Variants in CCS observed in about 807,000 individuals in gnomAD.
The protein encoded by CCS is copper chaperone for superoxide dismutase.
CCS carries 32 observed loss-of-function variants against 35.5 expected under a neutral mutation model. The ratio of observed to expected loss-of-function variants is 0.90; its 90% CI spans 0.68 to 1.21. The LOEUF is 1.21. Ranked by LOEUF, CCS falls within the 50% of genes most tolerant of loss-of-function variation. The pLI, the probability that CCS is intolerant of heterozygous loss-of-function variation, is 0.00. For missense variants in CCS, 342 were observed against 375.4 expected (o/e 0.91, Z 0.73); for synonymous variants, 130 against 147.2 (o/e 0.88, Z 0.84).
intron 1 of CCS, 46 bp from the exon 2 acceptor site, chr11:66,593,596 A>G (rs1340115259): frequency 6.3e-7 from 1 of 1,596,540 alleles, no homozygotes; most frequent in East Asian, 2.2e-5. Context: ...AGTCATACCA[A>G]GGCACTTCCC....
chr11:66,599,226 C>T lies in CCS; in HGVS notation c.223C>T (p.Leu75Phe), dbSNP rs1590829614. 1 of 1,611,466 alleles carries T rather than the reference C, an allele frequency of 6.2e-7. No homozygotes were observed. The highest frequency in any genetic ancestry group is 2.2e-5 in the East Asian group (1 of 44,758). The change falls in exon 3 of 8, where the codon CTC (leucine) becomes TTC (phenylalanine). Residue 75 changes from leucine (L) to phenylalanine (F), a missense_variant. Coordinates refer to ENST00000533244, the MANE Select transcript of CCS (RefSeq NM_005125.2). Reference protein sequence around the residue: ...LLEGTGRQAVLKGMGSGQLQN... With the variant: ...LLEGTGRQAVFKGMGSGQLQN... Reference sequence around the variant, plus strand: ...GGAAGGCACGGGGCGGCAGGCGGTACTCAAGGGCATGGGCAGCGGCCAGTT... The same window carrying T: ...GGAAGGCACGGGGCGGCAGGCGGTATTCAAGGGCATGGGCAGCGGCCAGTT...
chr11:66,603,582 C>T (rs1232615749), intron 5 of CCS, among the ~76,000 whole-genome samples: 1 of 152,140 alleles, frequency 6.6e-6, no homozygotes, highest in Non-Finnish European at 1.5e-5. Flanking sequence ...CACAGTGGCT[C>T]ATGCCTGTAA....
chr11:66,602,459 A>G (rs1420216207), intron 5 of CCS, among the ~76,000 whole-genome samples: 1 of 151,860 alleles, frequency 6.6e-6, no homozygotes, highest in Non-Finnish European at 1.5e-5. Context: ...CGAGAGAGAG[A>G]GAGATTGAGA....
At chr11:66,602,434 C>A (rs1311496898) in intron 5 of CCS, among the ~76,000 whole-genome samples, 1 of 152,142 alleles carries the variant, frequency 6.6e-6, no homozygotes, top group Non-Finnish European at 1.5e-5. Flanking sequence ...GTTGGCTTCT[C>A]TCAGAGTGAA....
At chr11:66,602,712 G>T (rs1858590589) in intron 5 of CCS, among the ~76,000 whole-genome samples, 1 of 152,240 alleles carries the variant, frequency 6.6e-6, no homozygotes, top group Admixed American at 6.5e-5. Flanking sequence ...TGTTTCTGAA[G>T]GGCAGGAGCC....
chr11:66,600,650 G>A (rs1010668777), intron 5 of CCS, 101 bp downstream of exon 5: 4 of 552,102 alleles, frequency 7.2e-6, no homozygotes, highest in Non-Finnish European at 1.3e-5. Context: ...ATTCCTTTTT[G>A]GTGGAGTCTT....
intron 2 of CCS, 50 bp downstream of exon 2, chr11:66,593,764 G>C (rs371683431): frequency 6.5e-7 from 1 of 1,548,866 alleles, no homozygotes; most frequent in African/African-American, 1.4e-5. Context: ...CCTCTGGGAG[G>C]GACCAGGCGA....
chr11:66,601,825 C>T (rs557531640), intron 5 of CCS, among the ~76,000 whole-genome samples: 5 of 152,252 alleles, frequency 3.3e-5, no homozygotes, highest in South Asian at 2.1e-4. Flanking sequence ...CCTCCCTCCT[C>T]GGCCTCCCAG....
chr11:66,600,106 A>C (rs1370023984), intron 4 of CCS: 1 of 177,444 alleles, frequency 5.6e-6, no homozygotes, highest in East Asian at 1.6e-4. Flanking sequence ...ACTCCAGCTC[A>C]GGGGTGACAG....
intron 5 of CCS, among the ~76,000 whole-genome samples, chr11:66,603,964 G>T (rs1481797753): frequency 7.2e-5 from 11 of 151,972 alleles, no homozygotes; most frequent in Non-Finnish European, 1.2e-4. Context: ...GGGGTGGGGA[G>T]GTTGCAGTGA....
chr11:66,604,723 G>A (rs1858626838), intron 5 of CCS, among the ~76,000 whole-genome samples: 1 of 152,180 alleles, frequency 6.6e-6, no homozygotes, highest in Admixed American at 6.5e-5. Flanking sequence ...GGTGCTCATA[G>A]GTGTGTTATG....
intron 2 of CCS, among the ~76,000 whole-genome samples, chr11:66,594,277 T>A (rs927431760): frequency 2.2e-4 from 34 of 152,216 alleles, no homozygotes; most frequent in African/African-American, 6.5e-4. Context: ...GAGAATGGCG[T>A]GAACCCGGGA....
At chr11:66,604,039 TAAATA>T (rs1236396695) in intron 5 of CCS, among the ~76,000 whole-genome samples, 5 of 149,258 alleles carry the variant, frequency 3.3e-5, no homozygotes, top group Non-Finnish European at 7.4e-5. Flanking sequence ...AATAAATAAA[TAAATA>T]AATAAATAAA....
intron 5 of CCS, among the ~76,000 whole-genome samples, chr11:66,603,636 G>A (rs1328913449): frequency 3.3e-5 from 5 of 152,180 alleles, no homozygotes; most frequent in African/African-American, 1.2e-4. Flanking sequence ...CACAAGGTCA[G>A]GAGATCGAGA....
At position 66,605,862 on chromosome 11, in the gene CCS, C is replaced by T. The variant is rs763913397; in HGVS notation, c.*7C>T. On this transcript the variant is annotated 3_prime_UTR_variant, in exon 8 of 8. Coordinates refer to ENST00000533244, the MANE Select transcript of CCS (RefSeq NM_005125.2). Reference sequence around the variant, plus strand: ...GCCCCCTGCCCACCTTTGAGCAGGACCTCACCTTGGCTCTGTTGCTGTCCT... The same window carrying T: ...GCCCCCTGCCCACCTTTGAGCAGGATCTCACCTTGGCTCTGTTGCTGTCCT... The T allele has an allele frequency of 4.6e-6, 7 of 1,520,760 alleles. No homozygotes were observed. Among genetic ancestry groups the T allele is most frequent in the Non-Finnish European group, 6.2e-6 (7 of 1,135,244 alleles). 94.2% of individuals were successfully genotyped at this position (1,520,760 alleles called of 1,614,324 possible). A position where few individuals can be genotyped will look rare whatever the true frequency, so the allele number is the denominator to read the frequency against.
At position 66,594,028 on chromosome 11, in the gene CCS, A is replaced by C. The variant is rs952914996; in HGVS notation, c.112+314A>C. On this transcript the variant is annotated intron_variant, in intron 2 of 7. Transcript: ENST00000533244. Reference sequence around the variant, plus strand: ...CTTGGGAAACAACATAATCTTGACAAAGCAAACAGCAGCTCAGGCCCTATA... The same window carrying C: ...CTTGGGAAACAACATAATCTTGACACAGCAAACAGCAGCTCAGGCCCTATA... Among the ~76,000 whole-genome samples, 7 of 152,102 alleles carry C rather than the reference A, an allele frequency of 4.6e-5. No individual in the cohort carries two copies. The South Asian group carries it at 1.2e-3, about 27-fold the overall frequency.
At position 66,599,100 on chromosome 11, in the gene CCS, C is replaced by G. The variant is rs776041108; in HGVS notation, c.113-16C>G. ...GTGCCAGCCTCTGTTGCCCTCTTCC[C>G]TCTCTTTCTTGCCAGGTGTCCAGGA... On this transcript the variant is annotated splice_polypyrimidine_tract_variant and intron_variant, in intron 2 of 7. Coordinates refer to ENST00000533244, the MANE Select transcript of CCS (RefSeq NM_005125.2). 1.2e-6 allele frequency: 2 copies of G among 1,614,148 alleles called. No homozygotes were observed. The highest frequency in any genetic ancestry group is 4.5e-5 in the East Asian group (2 of 44,882).
chr11:66,596,672 G>A (rs1467866816), intron 2 of CCS, among the ~76,000 whole-genome samples: 2 of 152,142 alleles, frequency 1.3e-5, no homozygotes, highest in South Asian at 2.1e-4. Context: ...GAGCCACCGC[G>A]CCCGGCCGAC....
chr11:66,593,572 A>G, intron 1 of CCS, 70 bp from the exon 2 acceptor site: 8 of 1,486,796 alleles, frequency 5.4e-6, no homozygotes, highest in Non-Finnish European at 7.4e-6. Flanking sequence ...GTCATAGGGT[A>G]GGTGGTGAAA....
Sources: allele counts gnomAD v4.1 joint callset (sites outside exome capture counted in the v4.1 genomes callset), GRCh38; gene constraint gnomAD v4.1.1; transcripts MANE v1.5; gene names NCBI Gene and HGNC (gene_info 2026-07-23, HGNC 2026-07-21).